The following SPAG16 variants were observed in gnomAD, a reference collection of about 807,000 sequenced individuals.
SPAG16 encodes the protein sperm-associated antigen 16 protein.
Under a neutral mutation model 80.4 loss-of-function variants are expected in SPAG16, and 86 were observed. The ratio of observed to expected loss-of-function variants is 1.07; its 90% CI spans 0.90 to 1.28. The LOEUF (loss-of-function observed/expected upper bound fraction) is 1.28, where lower values mean the gene tolerates loss of function less well. Ranked by LOEUF, SPAG16 falls within the 50% of genes most tolerant of loss-of-function variation. The pLI, the probability that SPAG16 is intolerant of heterozygous loss-of-function variation, is 0.00. For missense variants in SPAG16, 870 were observed against 765.3 expected (o/e 1.14, Z -1.61); for synonymous variants, 294 against 265.9 (o/e 1.11, Z -1.03).
intron 15 of SPAG16, among the ~76,000 whole-genome samples, chr2:214,323,336 T>A (rs530020144): frequency 6.6e-4 from 99 of 149,364 alleles, no homozygotes; most frequent in African/African-American, 2.2e-3. Flanking sequence ...ATATATATAT[T>A]TATTTATTTA....
At chr2:214,080,550 G>T (rs371122324) in intron 13 of SPAG16, among the ~76,000 whole-genome samples, 1 of 150,160 alleles carries the variant, frequency 6.7e-6, no homozygotes, top group Non-Finnish European at 1.5e-5. Flanking sequence ...AGAGCTTGCA[G>T]TGAGCTGAGA....
intron 15 of SPAG16, among the ~76,000 whole-genome samples, chr2:214,307,785 C>T (rs1239094368): frequency 6.6e-6 from 1 of 152,108 alleles, no homozygotes; most frequent in Non-Finnish European, 1.5e-5. Context: ...AGTTCTTTTG[C>T]ATTTTCTGAG....
chr2:213,618,714 T>C (rs1464202104), intron 10 of SPAG16, among the ~76,000 whole-genome samples: 1 of 151,972 alleles, frequency 6.6e-6, no homozygotes, highest in Non-Finnish European at 1.5e-5. Flanking sequence ...TTCTGTTTTT[T>C]TTTTTTCTTT....
intron 13 of SPAG16, among the ~76,000 whole-genome samples, chr2:214,094,700 G>A (rs1257726721): frequency 6.6e-6 from 1 of 152,088 alleles, no homozygotes; most frequent in African/African-American, 2.4e-5. Flanking sequence ...ATGGACTAAT[G>A]ACCCTTTTAT....
At position 213,490,046 on chromosome 2, in the gene SPAG16, C is replaced by T; in HGVS notation, c.1026C>T (p.Tyr342=). ...GTCTTTCTCCAGCAAAATTTGACTA[C>T]AAGCTGAAAAACATTTTTAGACTCC... ...KESLSPAKFD[Y]KLKNIFRLHE... The change falls in exon 10 of 16, where the codon TAC becomes TAT. Residue 342 remains tyrosine (Y), a synonymous_variant. Transcript: ENST00000331683. The T allele has an allele frequency of 6.2e-7, 1 of 1,609,734 alleles. No homozygotes were observed. The highest frequency in any genetic ancestry group is 8.5e-7 in the Non-Finnish European group (1 of 1,178,120).
At chr2:214,053,137 A>T (rs2125140254) in intron 13 of SPAG16, among the ~76,000 whole-genome samples, 1 of 152,312 alleles carries the variant, frequency 6.6e-6, no homozygotes, top group East Asian at 1.9e-4. Context: ...AAAGACAAGG[A>T]AGGCATGCAA....
intron 10 of SPAG16, among the ~76,000 whole-genome samples, chr2:213,752,222 C>T (rs1225940086): frequency 2.0e-5 from 3 of 152,180 alleles, no homozygotes; most frequent in Non-Finnish European, 4.4e-5. Flanking sequence ...GTCTTCTTAA[C>T]CTTCTTCCCA....
At chr2:214,341,673 G>T (rs1912223) in intron 15 of SPAG16, among the ~76,000 whole-genome samples, 148,043 of 152,286 alleles carry the variant, frequency 0.97, 72,119 homozygotes, top group Middle Eastern at 1. Flanking sequence ...TAGAATTCTG[G>T]AGCCAGCCAA....
At chr2:213,527,938 A>C (rs2075946449) in intron 10 of SPAG16, among the ~76,000 whole-genome samples, 1 of 152,192 alleles carries the variant, frequency 6.6e-6, no homozygotes, top group African/African-American at 2.4e-5. Context: ...GCTGAAAGGT[A>C]GTTATAGATA....
At chr2:214,264,362 T>C (rs910552437) in intron 15 of SPAG16, among the ~76,000 whole-genome samples, 3 of 152,198 alleles carry the variant, frequency 2.0e-5, no homozygotes, top group Non-Finnish European at 4.4e-5. Context: ...CACACTAGCA[T>C]GGACATGCCA....
At chr2:213,927,649 C>T (rs2078546057) in intron 11 of SPAG16, among the ~76,000 whole-genome samples, 1 of 152,268 alleles carries the variant, frequency 6.6e-6, no homozygotes, top group East Asian at 1.9e-4. Context: ...ATATCAGTTA[C>T]AGCACTCACA....
intron 10 of SPAG16, among the ~76,000 whole-genome samples, chr2:213,495,822 AG>A (rs1348625815): frequency 2.0e-5 from 3 of 152,172 alleles, no homozygotes; most frequent in Non-Finnish European, 4.4e-5. Flanking sequence ...GCAAATGCAA[AG>A]CCCTTGAGGT....
intron 13 of SPAG16, among the ~76,000 whole-genome samples, chr2:214,055,492 G>A (rs530437548): frequency 2.0e-4 from 30 of 152,160 alleles, no homozygotes; most frequent in Admixed American, 1.3e-3. Context: ...TGAAACGCAT[G>A]CCTATGGAAA....
intron 15 of SPAG16, among the ~76,000 whole-genome samples, chr2:214,212,484 A>G (rs2058320429): frequency 6.6e-6 from 1 of 152,124 alleles, no homozygotes; most frequent in Non-Finnish European, 1.5e-5. Flanking sequence ...TACACGGGTT[A>G]CATGTCCATT....
At chr2:214,122,878 T>C (rs1209846791) in intron 14 of SPAG16, among the ~76,000 whole-genome samples, 1 of 151,986 alleles carries the variant, frequency 6.6e-6, no homozygotes, top group African/African-American at 2.4e-5. Context: ...AATTAAGGCA[T>C]ATGTAATCTC....
chr2:213,468,578 T>C (rs2125646130), intron 9 of SPAG16, among the ~76,000 whole-genome samples: 1 of 145,188 alleles, frequency 6.9e-6, no homozygotes, highest in South Asian at 2.1e-4. Flanking sequence ...TATATCTATG[T>C]ATTTATATAT....
intron 12 of SPAG16, among the ~76,000 whole-genome samples, chr2:213,998,847 C>T (rs377407939): frequency 4.6e-5 from 7 of 152,160 alleles, no homozygotes; most frequent in African/African-American, 1.7e-4. Context: ...AGCAAAGAGA[C>T]TGGTGGCATT....
intron 10 of SPAG16, among the ~76,000 whole-genome samples, chr2:213,859,748 G>A (rs2075339803): frequency 6.6e-6 from 1 of 152,120 alleles, no homozygotes. Flanking sequence ...TACTAACTCT[G>A]TTTACAATGG....
chr2:214,166,434 T>C (rs2125619403), intron 15 of SPAG16, among the ~76,000 whole-genome samples: 1 of 152,254 alleles, frequency 6.6e-6, no homozygotes, highest in South Asian at 2.1e-4. Context: ...CGGGTGCACT[T>C]GCACAGTGGC....
Sources: allele counts gnomAD v4.1 joint callset (sites outside exome capture counted in the v4.1 genomes callset), GRCh38; gene constraint gnomAD v4.1.1; transcripts MANE v1.5; gene names NCBI Gene and HGNC (gene_info 2026-07-23, HGNC 2026-07-21).